The following EPHA6 variants were observed in gnomAD, a reference collection of about 807,000 sequenced individuals.
EPHA6 encodes the protein EPH receptor A6.
A neutral mutation model predicts 112.0 loss-of-function variants in EPHA6; 50 were observed. That is an observed-to-expected ratio of 0.45 (90% CI 0.36 to 0.56). The LOEUF (loss-of-function observed/expected upper bound fraction) is 0.56. Ranked by LOEUF, EPHA6 falls within the 20% of genes least tolerant of loss-of-function variation. The probability of loss-of-function intolerance (pLI) is 0.00; values close to 1 mark genes in which losing one functional copy is unlikely to be tolerated. For missense variants in EPHA6, 1,280 were observed against 1,417.4 expected, an observed-to-expected ratio of 0.90 and a Z score of 1.56; for synonymous variants, 529 against 490.7, an observed-to-expected ratio of 1.08 and a Z score of -1.03.
chr3:96,952,798 G>A (rs945281119), intron 2 of EPHA6, among the ~76,000 whole-genome samples: 5 of 152,064 alleles, frequency 3.3e-5, no homozygotes, highest in Non-Finnish European at 5.9e-5. Context: ...ACAATTGGGA[G>A]CAAAATGATA....
chr3:96,853,781 T>C (rs1313153323), intron 1 of EPHA6, among the ~76,000 whole-genome samples: 1 of 152,042 alleles, frequency 6.6e-6, no homozygotes, highest in Admixed American at 6.6e-5. Context: ...TTTATTATTG[T>C]GGCTTTGTCA....
intron 14 of EPHA6, among the ~76,000 whole-genome samples, chr3:97,675,609 A>G (rs2031298306): frequency 6.6e-6 from 1 of 152,234 alleles, no homozygotes; most frequent in Admixed American, 6.5e-5. Flanking sequence ...ATAATTGCTT[A>G]TATGATACAT....
chr3:97,340,316 G>T (rs1224995095), intron 5 of EPHA6, among the ~76,000 whole-genome samples: 1 of 152,176 alleles, frequency 6.6e-6, no homozygotes, highest in East Asian at 1.9e-4. Context: ...TCTGTTGGTG[G>T]GATAAGAGCA....
At chr3:97,007,695 T>A (rs2043937498) in intron 3 of EPHA6, among the ~76,000 whole-genome samples, 1 of 152,196 alleles carries the variant, frequency 6.6e-6, no homozygotes, top group South Asian at 2.1e-4. Context: ...TTCTTCACAG[T>A]GTCTTTGGTC....
chr3:97,010,144 T>C (rs536922854), intron 3 of EPHA6: 20 of 1,210,628 alleles, frequency 1.7e-5, no homozygotes, highest in Non-Finnish European at 2.0e-5. Context: ...ATTTGTTTTG[T>C]TTTTATTTTG....
At chr3:96,896,657 A>C (rs777624048) in intron 2 of EPHA6, among the ~76,000 whole-genome samples, 21 of 152,100 alleles carry the variant, frequency 1.4e-4, no homozygotes, top group Non-Finnish European at 2.8e-4. Context: ...CTGGCTATGT[A>C]ATTTTGATTT....
intron 14 of EPHA6, among the ~76,000 whole-genome samples, chr3:97,652,621 CTT>C (rs1576208370): frequency 6.6e-6 from 1 of 151,952 alleles, no homozygotes; most frequent in Admixed American, 6.6e-5. Context: ...CTTTCACTTT[CTT>C]TATTGCTTTG....
intron 14 of EPHA6, among the ~76,000 whole-genome samples, chr3:97,683,906 GAA>G (rs2032054854): frequency 6.6e-6 from 1 of 152,118 alleles, no homozygotes; most frequent in Non-Finnish European, 1.5e-5. Flanking sequence ...TGCATTAGCT[GAA>G]GCCCATTCCT....
chr3:97,488,740 T>G (rs942724698), intron 10 of EPHA6, among the ~76,000 whole-genome samples: 1 of 152,206 alleles, frequency 6.6e-6, no homozygotes, highest in Admixed American at 6.5e-5. Context: ...AGAAATGAGA[T>G]TCATTCTTGT....
At chr3:97,268,130 G>A (rs1187161040) in intron 5 of EPHA6, among the ~76,000 whole-genome samples, 2 of 152,124 alleles carry the variant, frequency 1.3e-5, no homozygotes, top group African/African-American at 2.4e-5. Context: ...ACACCTCCAG[G>A]CAGCATATCT....
chr3:97,169,309 T>C (rs1407238024), intron 3 of EPHA6, among the ~76,000 whole-genome samples: 3 of 152,044 alleles, frequency 2.0e-5, no homozygotes, highest in Non-Finnish European at 4.4e-5. Flanking sequence ...AAGGGCATGG[T>C]AGTTTAGCTA....
At chr3:97,237,554 G>C (rs895351812) in intron 4 of EPHA6, among the ~76,000 whole-genome samples, 1 of 151,936 alleles carries the variant, frequency 6.6e-6, no homozygotes, top group East Asian at 1.9e-4. Flanking sequence ...ATCTCAGAAA[G>C]AATTGTCCCA....
intron 14 of EPHA6, among the ~76,000 whole-genome samples, chr3:97,699,470 G>T (rs537882584): frequency 9.9e-5 from 15 of 152,148 alleles, no homozygotes; most frequent in African/African-American, 3.6e-4. Context: ...TCATAGATGA[G>T]AAAATTGAAG....
At chr3:97,553,987 T>C (rs895451511) in intron 11 of EPHA6, among the ~76,000 whole-genome samples, 5 of 152,180 alleles carry the variant, frequency 3.3e-5, no homozygotes, top group Admixed American at 1.3e-4. Flanking sequence ...TTGTTTATGA[T>C]TCATGAAATA....
intron 5 of EPHA6, among the ~76,000 whole-genome samples, chr3:97,321,506 A>G (rs1400502472): frequency 6.6e-6 from 1 of 152,014 alleles, no homozygotes; most frequent in African/African-American, 2.4e-5. Flanking sequence ...TAAATAAATT[A>G]TCTTGTCCAA....
At chr3:97,531,921 A>G (rs1055460278) in intron 10 of EPHA6, among the ~76,000 whole-genome samples, 3 of 152,008 alleles carry the variant, frequency 2.0e-5, no homozygotes, top group African/African-American at 4.8e-5. Context: ...CTAACTGTCA[A>G]TGACGCCCAG....
At chr3:97,281,817 A>C (rs1559849650) in intron 5 of EPHA6, among the ~76,000 whole-genome samples, 2 of 152,202 alleles carry the variant, frequency 1.3e-5, no homozygotes, top group Non-Finnish European at 1.5e-5. Context: ...TTGAGACACA[A>C]GGGAATTTTT....
chr3:97,395,531 T>A (rs1456419985), intron 5 of EPHA6, among the ~76,000 whole-genome samples: 2 of 151,866 alleles, frequency 1.3e-5, no homozygotes, highest in Non-Finnish European at 2.9e-5. Flanking sequence ...AACACTGTTG[T>A]GTGCTTCTGC....
chr3:97,560,393 T>TG (rs947431647), intron 11 of EPHA6: 3 of 151,976 alleles, frequency 2.0e-5, no homozygotes, highest in Non-Finnish European at 4.4e-5. Context: ...AGGTAGCTAC[T>TG]AGGTACATGT....
Sources: gnomAD v4.1 joint callset for allele counts (sites outside exome capture counted in the v4.1 genomes callset) on GRCh38, gnomAD v4.1.1 for gene constraint, MANE v1.5 for transcripts, NCBI Gene and HGNC (gene_info 2026-07-23, HGNC 2026-07-21) for gene names.